Variants in PLCH1 observed in about 807,000 individuals in gnomAD.
PLCH1 encodes 1-phosphatidylinositol 4,5-bisphosphate phosphodiesterase eta-1.
In PLCH1, 60 loss-of-function variants were observed where a neutral mutation model predicts 126.7. That is an observed-to-expected ratio of 0.47 (90% confidence interval 0.38 to 0.59). The LOEUF (loss-of-function observed/expected upper bound fraction) is 0.59, where lower values mean the gene tolerates loss of function less well. PLCH1 is among the 20% of genes least tolerant of loss of function. The pLI, the probability that PLCH1 is intolerant of heterozygous loss-of-function variation, is 0.00. For synonymous variants in PLCH1, 719 were observed against 734.9 expected (o/e 0.98, Z 0.35); for missense variants, 1,723 against 2,040.0 (o/e 0.84, Z 2.99).
chr3:155,458,453 G>GAAAGAAAGAAAGAAAA (rs1560027262), intron 21 of PLCH1, among the ~76,000 whole-genome samples: 2 of 28,682 alleles, frequency 7.0e-5, no homozygotes, highest in Admixed American at 3.8e-4. Flanking sequence ...AAGGAAGGAA[G>GAAAGAAAGAAAGAAAA]GAAAGAAAGA....
At chr3:155,465,200 T>C (rs1364562822) in intron 21 of PLCH1, among the ~76,000 whole-genome samples, 1 of 151,970 alleles carries the variant, frequency 6.6e-6, no homozygotes, top group Admixed American at 6.5e-5. Context: ...ATTTATCTTA[T>C]GACTAGATCT....
chr3:155,709,621 C>CATTT (rs1461045304), intron 1 of PLCH1, among the ~76,000 whole-genome samples: 1 of 152,070 alleles, frequency 6.6e-6, no homozygotes, highest in South Asian at 2.1e-4. Flanking sequence ...TTCATTCATT[C>CATTT]ATTTATTTAT....
intron 8 of PLCH1, among the ~76,000 whole-genome samples, chr3:155,557,595 T>C (rs779333599): frequency 6.6e-5 from 10 of 152,222 alleles, no homozygotes; most frequent in Non-Finnish European, 1.2e-4. Context: ...CATCTTAATA[T>C]GTGGCATTCG....
Position 155,494,449 on chromosome 3 carries a change from G to A in PLCH1, c.1963C>T (p.Gln655Ter). 1 of 1,613,446 alleles carries A rather than the reference G, an allele frequency of 6.2e-7. No homozygotes were observed. Among genetic ancestry groups the A allele is most frequent in the Non-Finnish European group, 8.5e-7 (1 of 1,179,434 alleles). The change falls in exon 16 of 23, where the codon CAG becomes TAG. Residue 655 changes from glutamine to a stop codon, truncating the protein, a stop_gained. Transcript: ENST00000460012. LOFTEE classifies it high-confidence loss of function. ...AHQVVQQKSE[Q>*]FMIYNQKQLT... is the part of the protein sequence containing the mutation. ...TGCTTTTGATTATAAATCATGAACT[G>A]CTCTGATTTTTGCTGAACAACCTGA...
chr3:155,694,907 C>T (rs1252055675), intron 2 of PLCH1, among the ~76,000 whole-genome samples: 1 of 150,408 alleles, frequency 6.6e-6, no homozygotes, highest in Admixed American at 6.6e-5. Flanking sequence ...TCATGTACCC[C>T]AACCCCAGGC....
At chr3:155,709,970 T>TTTGG (rs1169771929) in intron 1 of PLCH1, among the ~76,000 whole-genome samples, 5 of 152,036 alleles carry the variant, frequency 3.3e-5, no homozygotes, top group East Asian at 1.9e-4. Context: ...TTAAGAAGTG[T>TTTGG]TTGGTTGGTT....
chr3:155,736,478 CA>C (rs898929610), intron 1 of PLCH1, among the ~76,000 whole-genome samples: 3 of 151,908 alleles, frequency 2.0e-5, no homozygotes, highest in East Asian at 1.9e-4. Flanking sequence ...AAGCAATGGG[CA>C]AAAAAATAAG....
chr3:155,511,538 A>G (rs755231647), intron 12 of PLCH1, among the ~76,000 whole-genome samples: 248 of 129,002 alleles, frequency 1.9e-3, no homozygotes, highest in Non-Finnish European at 2.6e-3. Flanking sequence ...TTTTCGGTGT[A>G]GATGTCCTTT....
At chr3:155,639,842 T>TC (rs1029355349) in intron 2 of PLCH1, among the ~76,000 whole-genome samples, 1 of 152,068 alleles carries the variant, frequency 6.6e-6, no homozygotes, top group Non-Finnish European at 1.5e-5. Context: ...GGGGTGGATA[T>TC]CCCCCCCTGC....
At chr3:155,523,778 A>T (rs1472242619) in intron 11 of PLCH1, 119 bp downstream of exon 11, 1 of 617,732 alleles carries the variant, frequency 1.6e-6, no homozygotes, top group African/African-American at 1.9e-5. Flanking sequence ...ATTTTCAATG[A>T]ATATCCTTTC....
chr3:155,631,059 C>A lies in PLCH1; in HGVS notation c.80-34681G>T, dbSNP rs147418024. Among the ~76,000 whole-genome samples the A allele has an allele frequency of 4.2e-3, 637 of 151,876 alleles. 1 individual carries two copies. The highest frequency in any genetic ancestry group is 7.1e-3 in the Admixed American group (108 of 15,264). ...TATTCTTAAAAGTTGTTTATCTAAC[C>A]CTAAAATTCTGATCCAAATTTATTA... is the stretch of plus-strand genomic sequence containing the variant. On this transcript the variant is annotated intron_variant, in intron 2 of 22. Coordinates refer to ENST00000460012, the MANE Select transcript of PLCH1 (RefSeq NM_014996.4).
intron 2 of PLCH1, among the ~76,000 whole-genome samples, chr3:155,648,042 A>T (rs1207173917): frequency 1.3e-5 from 2 of 152,230 alleles, no homozygotes; most frequent in Non-Finnish European, 2.9e-5. Flanking sequence ...CAAGTTTTCC[A>T]ATTGAAAACT....
At chr3:155,464,401 C>T (rs548484107) in intron 21 of PLCH1, among the ~76,000 whole-genome samples, 1 of 152,128 alleles carries the variant, frequency 6.6e-6, no homozygotes, top group Non-Finnish European at 1.5e-5. Context: ...TGCTTCTGTC[C>T]TCTGTGGATA....
intron 2 of PLCH1, among the ~76,000 whole-genome samples, chr3:155,663,998 C>T (rs1031877855): frequency 6.6e-5 from 10 of 152,210 alleles, no homozygotes; most frequent in Non-Finnish European, 1.2e-4. Context: ...GTCTTTTACT[C>T]TGCCTTTTAC....
chr3:155,497,616 C>G, intron 14 of PLCH1, among the ~76,000 whole-genome samples, 199 bp from the exon 15 acceptor site: 1 of 152,330 alleles, frequency 6.6e-6, no homozygotes, highest in East Asian at 1.9e-4. Flanking sequence ...ACAGTAGTCC[C>G]CCCTTATCCT....
At chr3:155,463,829 C>A (rs554862323) in intron 21 of PLCH1, among the ~76,000 whole-genome samples, 13 of 152,254 alleles carry the variant, frequency 8.5e-5, no homozygotes, top group South Asian at 2.1e-4. Flanking sequence ...ACCACACACA[C>A]AAAAAATGGA....
chr3:155,668,160 A>G (rs1033880130), intron 2 of PLCH1, among the ~76,000 whole-genome samples: 1 of 151,762 alleles, frequency 6.6e-6, no homozygotes, highest in Non-Finnish European at 1.5e-5. Context: ...AACTGCTAAC[A>G]CTATTTGCAG....
intron 2 of PLCH1, among the ~76,000 whole-genome samples, chr3:155,634,000 C>G (rs1738410585): frequency 6.6e-6 from 1 of 152,152 alleles, no homozygotes. Context: ...AGGCTGCAAT[C>G]CACGTCTCCT....
intron 1 of PLCH1, among the ~76,000 whole-genome samples, chr3:155,716,862 C>A (rs2109122568): frequency 6.6e-6 from 1 of 152,338 alleles, no homozygotes; most frequent in East Asian, 1.9e-4. Context: ...CTCCCAAAGT[C>A]TTAACTCATT....
Sources: allele counts gnomAD v4.1 joint callset (sites outside exome capture counted in the v4.1 genomes callset), GRCh38; gene constraint gnomAD v4.1.1; transcripts MANE v1.5; gene names NCBI Gene and HGNC (gene_info 2026-07-23, HGNC 2026-07-21).